EFHB: variants seen among roughly 807,000 people sequenced by gnomAD.
EFHB encodes the protein EF-hand domain-containing family member B.
EFHB carries 91 observed loss-of-function variants against 87.2 expected under a neutral mutation model. That is an observed-to-expected ratio of 1.04 (90% CI 0.88 to 1.24). The LOEUF (loss-of-function observed/expected upper bound fraction) is 1.24, where lower values mean the gene tolerates loss of function less well. Among genes scored for constraint, EFHB ranks in the 50% most tolerant of loss-of-function variants. EFHB has a pLI of 0.00. For synonymous variants in EFHB, 325 were observed against 333.6 expected (o/e 0.97, Z 0.28); for missense variants, 1,084 against 998.8 (o/e 1.09, Z -1.15).
chr3:19,897,212 T>C (rs1029885020), intron 8 of EFHB, among the ~76,000 whole-genome samples: 1 of 152,204 alleles, frequency 6.6e-6, no homozygotes, highest in African/African-American at 2.4e-5. Flanking sequence ...TGATTCCAGG[T>C]GGGGACCACT....
At chr3:19,946,137 T>C (rs1374969469) in intron 1 of EFHB, 1 of 152,180 alleles carries the variant, frequency 6.6e-6, no homozygotes, top group South Asian at 2.1e-4. Context: ...TTCACCAGAA[T>C]TGTGTTCAAC....
chr3:19,941,452 TA>T, intron 1 of EFHB: 1 of 159,522 alleles, frequency 6.3e-6, no homozygotes, highest in Admixed American at 6.4e-5. Flanking sequence ...AACTCAGCAA[TA>T]AAATGGTGGA....
intron 1 of EFHB, among the ~76,000 whole-genome samples, chr3:19,932,225 G>C (rs1363564095): frequency 2.0e-5 from 3 of 152,088 alleles, no homozygotes; most frequent in African/African-American, 4.8e-5. Flanking sequence ...CAGAACTTTG[G>C]AATGTTGTTC....
At chr3:19,911,644 T>A (rs953446417) in intron 5 of EFHB, among the ~76,000 whole-genome samples, 6 of 151,490 alleles carry the variant, frequency 4.0e-5, no homozygotes, top group Admixed American at 1.3e-4. Context: ...ATTGACAAAC[T>A]GAAAAGTACA....
rs377197755 is a variant in EFHB, at chr3:19,922,754, A to G, written c.790-2187T>C. On this transcript the variant is annotated intron_variant, in intron 1 of 12. Coordinates refer to ENST00000295824, the MANE Select transcript of EFHB (RefSeq NM_144715.4). ...CTCAGCCTCAATTTGCTCACAATGG[A>G]GATGGTGATAACAGTACCAACCTCA... Among the ~76,000 whole-genome samples the G allele has an allele frequency of 3.3e-5, 5 of 152,308 alleles. No individual in the cohort carries two copies. The East Asian group carries it at 9.6e-4, about 29-fold the overall frequency.
At chr3:19,939,480 G>A (rs1489145147) in intron 1 of EFHB, among the ~76,000 whole-genome samples, 2 of 143,950 alleles carry the variant, frequency 1.4e-5, no homozygotes, top group African/African-American at 5.2e-5. Flanking sequence ...CGCCTCCCGG[G>A]TTCACGCCAT....
At chr3:19,930,549 C>G (rs552250053) in intron 1 of EFHB, among the ~76,000 whole-genome samples, 1 of 152,226 alleles carries the variant, frequency 6.6e-6, no homozygotes, top group South Asian at 2.1e-4. Flanking sequence ...AATTCTTTTT[C>G]TATTATGTCG....
intron 5 of EFHB, among the ~76,000 whole-genome samples, chr3:19,905,962 G>A (rs1694829987): frequency 2.0e-5 from 3 of 152,114 alleles, no homozygotes; most frequent in South Asian, 2.1e-4. Context: ...ACAACAATAC[G>A]TTGTGTTAAT....
intron 9 of EFHB, among the ~76,000 whole-genome samples, chr3:19,890,098 CAG>C (rs1380598983): frequency 6.6e-6 from 1 of 152,166 alleles, no homozygotes; most frequent in Non-Finnish European, 1.5e-5. Context: ...AAAACTGAAA[CAG>C]ATGCTGTCAA....
intron 1 of EFHB, among the ~76,000 whole-genome samples, chr3:19,921,027 T>C (rs1280781170): frequency 6.6e-6 from 1 of 152,156 alleles, no homozygotes; most frequent in Non-Finnish European, 1.5e-5. Context: ...TCCTGGGCAA[T>C]GGAGCAAGAC....
At chr3:19,901,324 T>C (rs1254333189) in intron 6 of EFHB, among the ~76,000 whole-genome samples, 8 of 152,238 alleles carry the variant, frequency 5.3e-5, no homozygotes, top group Admixed American at 5.2e-4. Context: ...AAAATTTCTT[T>C]TGAAACGTGT....
At chr3:19,936,318 C>A (rs1696019504), upstream of EFHB, 2 of 554,128 alleles carry the variant, frequency 3.6e-6, no homozygotes, top group African/African-American at 2.1e-5. Context: ...CCATTGCATG[C>A]CAGCCTGGGC....
chr3:19,896,520 C>G (rs764965323), intron 9 of EFHB, 167 bp downstream of exon 9: 31 of 948,424 alleles, frequency 3.3e-5, no homozygotes, highest in Non-Finnish European at 4.8e-5. Flanking sequence ...ACAGACAATA[C>G]TGAAAACAAC....
chr3:19,887,956 A>AT (rs1365156194), intron 10 of EFHB, among the ~76,000 whole-genome samples: 2 of 152,032 alleles, frequency 1.3e-5, no homozygotes, highest in African/African-American at 4.8e-5. Flanking sequence ...TGTGCTTTTA[A>AT]TTTTTTTGAA....
At chr3:19,937,775 C>T (rs913296848), upstream of EFHB, among the ~76,000 whole-genome samples, 5 of 152,110 alleles carry the variant, frequency 3.3e-5, no homozygotes, top group Admixed American at 6.6e-5. Flanking sequence ...ATACAACAAA[C>T]GCTTGTGGCA....
chr3:19,919,754 G>GAA, intron 3 of EFHB, 79 bp downstream of exon 3: 1 of 1,398,788 alleles, frequency 7.1e-7, no homozygotes, highest in Non-Finnish European at 9.9e-7. Flanking sequence ...TGGAACTGAT[G>GAA]AATTTCACTA....
At chr3:19,882,055 A>ATAAT (rs61166173) in intron 12 of EFHB, among the ~76,000 whole-genome samples, 11,029 of 139,692 alleles carry the variant, frequency 0.079, 1,319 homozygotes, top group African/African-American at 0.3. Context: ...AAATAAATAA[A>ATAAT]TAAATAATTA....
At chr3:19,923,300 C>T (rs1695503200) in intron 1 of EFHB, among the ~76,000 whole-genome samples, 2 of 150,064 alleles carry the variant, frequency 1.3e-5, no homozygotes, top group Admixed American at 1.3e-4. Context: ...CCAAGGTAAA[C>T]AAGCCATGCA....
chr3:19,900,019 G>A (rs2125131236), intron 6 of EFHB, among the ~76,000 whole-genome samples: 1 of 152,290 alleles, frequency 6.6e-6, no homozygotes, highest in South Asian at 2.1e-4. Context: ...GTTGCAGTGA[G>A]CTGAGATGAC....
Sources: allele counts gnomAD v4.1 joint callset (sites outside exome capture counted in the v4.1 genomes callset), GRCh38; gene constraint gnomAD v4.1.1; transcripts MANE v1.5; gene names NCBI Gene and HGNC (gene_info 2026-07-23, HGNC 2026-07-21).